Variants in THADA observed in about 807,000 individuals in gnomAD.
THADA encodes the protein tRNA (32-2'-O)-methyltransferase regulator THADA.
THADA carries 213 observed loss-of-function variants against 219.8 expected under a neutral mutation model. The observed-to-expected ratio is 0.97, with a 90% CI of 0.87 to 1.09. The LOEUF (loss-of-function observed/expected upper bound fraction) is 1.09, where lower values mean the gene tolerates loss of function less well. THADA is among the 50% of genes least tolerant of loss of function. THADA has a pLI of 0.00. For missense variants in THADA, 2,956 were observed against 2,311.3 expected (o/e 1.28, Z -5.72); for synonymous variants, 1,018 against 828.9 (o/e 1.23, Z -3.92).
intron 36 of THADA, among the ~76,000 whole-genome samples, chr2:43,267,438 G>A (rs1187179400): frequency 3.9e-5 from 6 of 152,200 alleles, no homozygotes; most frequent in Non-Finnish European, 5.9e-5. Flanking sequence ...GGCAGATTGC[G>A]AGAAGTGAAG....
rs577199045 is a variant in THADA, at chr2:43,505,878, G to C, written c.3508-143C>G. ...AGAAAGTTAATTAAGCCATGTGGCC[G>C]TGGGCAAGTGGTTTAACCTCACAGT... On this transcript the variant is annotated intron_variant, in intron 23 of 37. Transcript: ENST00000405975. The C allele has an allele frequency of 6.4e-6, 4 of 629,314 alleles. No individual in the cohort carries two copies. In the East Asian group the frequency reaches 1.1e-4, roughly 18 times the overall value. 39.0% of individuals were successfully genotyped at this position (629,314 alleles called of 1,614,324 possible). A position where few individuals can be genotyped will look rare whatever the true frequency, so the allele number is the denominator to read the frequency against.
intron 35 of THADA, among the ~76,000 whole-genome samples, chr2:43,282,330 C>T (rs1673457479): frequency 6.6e-6 from 1 of 152,134 alleles, no homozygotes; most frequent in African/African-American, 2.4e-5. Context: ...TGCCTGAAGT[C>T]ACTAAGAAGA....
intron 30 of THADA, among the ~76,000 whole-genome samples, chr2:43,327,744 A>G (rs1313268845): frequency 6.6e-6 from 1 of 152,190 alleles, no homozygotes; most frequent in African/African-American, 2.4e-5. Context: ...TATCTCAAAC[A>G]GCAATAACAA....
intron 26 of THADA, among the ~76,000 whole-genome samples, chr2:43,448,184 C>T (rs750104635): frequency 2.0e-5 from 3 of 152,218 alleles, no homozygotes; most frequent in Non-Finnish European, 4.4e-5. Context: ...AAGGCAACAA[C>T]TGCACTGGCA....
chr2:43,313,577 C>T (rs982571192), intron 31 of THADA, among the ~76,000 whole-genome samples: 12 of 152,200 alleles, frequency 7.9e-5, no homozygotes, highest in Admixed American at 4.6e-4. Flanking sequence ...GGTGGCTGCC[C>T]GGGAGCAGTC....
At chr2:43,524,551 T>C (rs1049634281) in intron 22 of THADA, among the ~76,000 whole-genome samples, 4 of 152,224 alleles carry the variant, frequency 2.6e-5, no homozygotes, top group African/African-American at 9.7e-5. Flanking sequence ...AAACAACTTT[T>C]TCATAACTTA....
intron 29 of THADA, chr2:43,391,806 A>C (rs1359646503): frequency 1.3e-5 from 2 of 152,248 alleles, no homozygotes; most frequent in Non-Finnish European, 2.9e-5. Context: ...GCACATCCAT[A>C]GCCACGCCAC....
In THADA at chr2:43,320,393, A is replaced by G. The variant is rs1573050473; in HGVS notation, c.4438+53T>C. 13 of 1,408,868 alleles carry G rather than the reference A, an allele frequency of 9.2e-6. No homozygotes were observed. In the East Asian group the frequency reaches 3.0e-4, roughly 32 times the overall value. 87.3% of individuals were successfully genotyped at this position (1,408,868 alleles called of 1,614,324 possible). A position where few individuals can be genotyped will look rare whatever the true frequency, so the allele number is the denominator to read the frequency against. On this transcript the variant is annotated intron_variant, in intron 31 of 37. Transcript: ENST00000405975. ...GGCAGAGCCACTCAAAACGCCATCC[A>G]CATTTCAAAGATGTGTAACGATTCC...
chr2:43,264,533 C>A (rs1453160038), intron 36 of THADA, among the ~76,000 whole-genome samples: 2 of 152,134 alleles, frequency 1.3e-5, no homozygotes, highest in Admixed American at 6.5e-5. Context: ...GATCCGCCCA[C>A]CTCTGCCTCC....
At chr2:43,356,317 T>C (rs113532681) in intron 29 of THADA, among the ~76,000 whole-genome samples, 25 of 152,074 alleles carry the variant, frequency 1.6e-4, no homozygotes, top group African/African-American at 5.6e-4. Context: ...AAAGAAACTA[T>C]AAAAATGCTA....
chr2:43,585,491 C>G (rs1700911026), intron 7 of THADA, among the ~76,000 whole-genome samples: 1 of 150,668 alleles, frequency 6.6e-6, no homozygotes, highest in South Asian at 2.1e-4. Context: ...GTACTCAAGC[C>G]TGGGTAACAG....
rs768518759 is a variant in THADA at position 43,286,972 on chromosome 2, C to T, written c.5100G>A (p.Leu1700=). 6.8e-6 allele frequency: 11 copies of T among 1,613,928 alleles called. No individual in the cohort carries two copies. Among genetic ancestry groups the T allele is most frequent in the Non-Finnish European group, 9.3e-6 (11 of 1,179,868 alleles). The change falls in exon 35 of 38, where the codon CTG becomes CTA. Residue 1700 remains leucine, a synonymous_variant. Transcript: ENST00000405975. ...TACTGGTGAGGACTTCAACGACGGC[C>T]AGCCTAGACTCTGTAGGAAGATGGT... ...CEDHLPTESR[L]AVVEVLTSTT...
At chr2:43,437,257 G>A (rs980944398) in intron 26 of THADA, among the ~76,000 whole-genome samples, 1 of 152,168 alleles carries the variant, frequency 6.6e-6, no homozygotes, top group Non-Finnish European at 1.5e-5. Context: ...CAATCTACAG[G>A]TTAAGATAAG....
intron 4 of THADA, among the ~76,000 whole-genome samples, 184 bp downstream of exon 4, chr2:43,590,640 G>A (rs928346064): frequency 1.3e-4 from 16 of 120,716 alleles, no homozygotes; most frequent in East Asian, 4.6e-4. Flanking sequence ...GCTAGACTCC[G>A]TCTCAAAAAA....
intron 36 of THADA, among the ~76,000 whole-genome samples, chr2:43,271,412 A>C (rs1351866333): frequency 6.6e-6 from 1 of 152,168 alleles, no homozygotes; most frequent in African/African-American, 2.4e-5. Context: ...TTCATAACAT[A>C]AAATCCAAAC....
intron 29 of THADA, among the ~76,000 whole-genome samples, chr2:43,365,469 G>C (rs1410921768): frequency 6.6e-6 from 1 of 151,792 alleles, no homozygotes; most frequent in Non-Finnish European, 1.5e-5. Flanking sequence ...TACTAGGGAG[G>C]CTGAGGCAGG....
intron 28 of THADA, among the ~76,000 whole-genome samples, chr2:43,413,708 A>C (rs981525204): frequency 5.9e-5 from 9 of 152,248 alleles, no homozygotes; most frequent in Non-Finnish European, 1.0e-4. Context: ...TTCCAATCCC[A>C]AACTTCCTAG....
chr2:43,355,073 G>C (rs1668728846), intron 29 of THADA, among the ~76,000 whole-genome samples: 1 of 152,126 alleles, frequency 6.6e-6, no homozygotes, highest in Admixed American at 6.5e-5. Flanking sequence ...AAATTACCCA[G>C]TCCTGGGTAT....
At chr2:43,238,003 C>A (rs1192949510) in intron 36 of THADA, among the ~76,000 whole-genome samples, 1 of 150,946 alleles carries the variant, frequency 6.6e-6, no homozygotes, top group African/African-American at 2.4e-5. Flanking sequence ...CCTGTAGTCC[C>A]AGCTACTTGG....
Sources: gnomAD v4.1 joint callset for allele counts (sites outside exome capture counted in the v4.1 genomes callset) on GRCh38, gnomAD v4.1.1 for gene constraint, MANE v1.5 for transcripts, NCBI Gene and HGNC (gene_info 2026-07-23, HGNC 2026-07-21) for gene names.